The following KIAA1328 variants were observed in gnomAD, a reference collection of about 807,000 sequenced individuals.
KIAA1328 encodes the protein KIAA1328.
A neutral mutation model predicts 68.1 loss-of-function variants in KIAA1328; 52 were observed. The ratio of observed to expected loss-of-function variants is 0.76; its 90% CI spans 0.61 to 0.96. The LOEUF (loss-of-function observed/expected upper bound fraction) is 0.96. KIAA1328 is among the 40% of genes least tolerant of loss of function. The pLI is 0.00. For synonymous variants in KIAA1328, 232 were observed against 239.4 expected (o/e 0.97, Z 0.28); for missense variants, 641 against 677.6 (o/e 0.95, Z 0.60).
At chr18:36,859,928 T>TTTC (rs146359695) in intron 4 of KIAA1328, among the ~76,000 whole-genome samples, 20,521 of 151,612 alleles carry the variant, frequency 0.14, 1,745 homozygotes, top group Admixed American at 0.18. Flanking sequence ...CATTTCCTTT[T>TTTC]TTTTTTAATG....
intron 3 of KIAA1328, among the ~76,000 whole-genome samples, chr18:36,837,344 AATG>A (rs1489432591): frequency 1.3e-5 from 2 of 152,128 alleles, no homozygotes; most frequent in Non-Finnish European, 2.9e-5. Flanking sequence ...TTAATGACTA[AATG>A]ATGATGAGCA....
intron 5 of KIAA1328, among the ~76,000 whole-genome samples, chr18:36,914,560 AAATACAAAC>A (rs2049604239): frequency 2.0e-5 from 3 of 152,012 alleles, no homozygotes; most frequent in Non-Finnish European, 4.4e-5. Flanking sequence ...TCTCTACTAA[AAATACAAAC>A]ATTAGCCAGG....
chr18:37,001,501 A>T (rs1024870636), intron 6 of KIAA1328, among the ~76,000 whole-genome samples: 1 of 152,140 alleles, frequency 6.6e-6, no homozygotes, highest in African/African-American at 2.4e-5. Flanking sequence ...AAAAGAGGGG[A>T]TTTCTCCCTA....
chr18:36,941,366 G>T lies in KIAA1328; in HGVS notation c.449-17942G>T, dbSNP rs559086935. On this transcript the variant is annotated intron_variant, in intron 5 of 9. Coordinates refer to ENST00000280020, the MANE Select transcript of KIAA1328 (RefSeq NM_020776.3). ...TCCCAGCACTTTAGGAGGTTGAGGT[G>T]GACTGCCGACTTGAGATCAGGAGTT... Among the ~76,000 whole-genome samples, 6 of 152,170 alleles carry T rather than the reference G, an allele frequency of 3.9e-5. No individual in the cohort carries two copies. In the East Asian group the frequency reaches 1.2e-3, roughly 30 times the overall value.
chr18:36,915,907 T>A (rs2049678628), intron 5 of KIAA1328, among the ~76,000 whole-genome samples: 1 of 152,168 alleles, frequency 6.6e-6, no homozygotes, highest in Admixed American at 6.6e-5. Context: ...TATGCATAAT[T>A]GCCAACAATG....
At chr18:37,081,508 C>T (rs1237916209) in intron 7 of KIAA1328, among the ~76,000 whole-genome samples, 3 of 152,160 alleles carry the variant, frequency 2.0e-5, no homozygotes, top group East Asian at 3.8e-4. Context: ...CAACCTTCTG[C>T]ACATTAATAT....
intron 5 of KIAA1328, among the ~76,000 whole-genome samples, chr18:36,927,949 A>G (rs2050180580): frequency 1.3e-5 from 2 of 152,298 alleles, no homozygotes; most frequent in South Asian, 4.1e-4. Flanking sequence ...TGCCCTCGTA[A>G]GAACAAGTGG....
At chr18:36,871,833 A>C (rs2150932078) in intron 4 of KIAA1328, among the ~76,000 whole-genome samples, 1 of 152,194 alleles carries the variant, frequency 6.6e-6, no homozygotes, top group African/African-American at 2.4e-5. Context: ...CAGCAGACAC[A>C]GCTGGAAATG....
chr18:36,899,543 G>A (rs1227442183), intron 5 of KIAA1328, among the ~76,000 whole-genome samples: 1 of 151,764 alleles, frequency 6.6e-6, no homozygotes, highest in South Asian at 2.1e-4. Context: ...AAGCATGTGA[G>A]CTAAAACTGC....
chr18:36,855,215 T>C (rs147560052), intron 4 of KIAA1328, among the ~76,000 whole-genome samples: 1 of 152,320 alleles, frequency 6.6e-6, no homozygotes, highest in Non-Finnish European at 1.5e-5. Context: ...ATGTTGAAGT[T>C]TGTGAAGAGC....
intron 7 of KIAA1328, among the ~76,000 whole-genome samples, chr18:37,103,050 G>A (rs191795234): frequency 8.5e-5 from 13 of 152,234 alleles, no homozygotes; most frequent in Admixed American, 7.2e-4. Flanking sequence ...ACAAATAAAT[G>A]GGAAGATGTC....
At chr18:36,891,255 TA>T (rs2048675421) in intron 5 of KIAA1328, among the ~76,000 whole-genome samples, 1 of 152,236 alleles carries the variant, frequency 6.6e-6, no homozygotes, top group South Asian at 2.1e-4. Context: ...TACATATATT[TA>T]AATACCACTC....
intron 6 of KIAA1328, among the ~76,000 whole-genome samples, chr18:37,015,760 C>T (rs1398229132): frequency 6.6e-6 from 1 of 152,030 alleles, no homozygotes; most frequent in African/African-American, 2.4e-5. Flanking sequence ...GTGTATGAGG[C>T]TATTGTAAAT....
chr18:36,947,159 G>A (rs1348942393), intron 5 of KIAA1328, among the ~76,000 whole-genome samples: 2 of 152,050 alleles, frequency 1.3e-5, no homozygotes, highest in Non-Finnish European at 2.9e-5. Flanking sequence ...GCAAGACTCC[G>A]TCTCCTAAAA....
intron 1 of KIAA1328, chr18:36,833,247 G>T: frequency 6.6e-6 from 1 of 152,298 alleles, no homozygotes; most frequent in Non-Finnish European, 1.5e-5. Context: ...GCAATTTCAA[G>T]TACCTATATG....
intron 6 of KIAA1328, among the ~76,000 whole-genome samples, chr18:37,046,935 G>A (rs148423122): frequency 9.5e-4 from 144 of 152,180 alleles, no homozygotes; most frequent in Non-Finnish European, 1.4e-3. Flanking sequence ...GTTCGAGACC[G>A]GCATGGCCAA....
rs172822 is a variant in KIAA1328 at position 37,040,658 on chromosome 18, A to C, written c.577-26232A>C. 2.6e-5 allele frequency among the ~76,000 whole-genome samples: 4 copies of C among 151,170 alleles called. No individual in the cohort carries two copies. In the East Asian group the frequency reaches 7.8e-4, roughly 29 times the overall value. On this transcript the variant is annotated intron_variant, in intron 6 of 9. Transcript: ENST00000280020. ...ATTTAGAAGCTTATGTTATTGACTTAAATCTTTTTTTTTCCTTTTCTGATA... is the reference window on the plus strand; with the variant it reads ...ATTTAGAAGCTTATGTTATTGACTTCAATCTTTTTTTTTCCTTTTCTGATA...
At chr18:37,215,799 G>T (rs1348983081) in intron 9 of KIAA1328, among the ~76,000 whole-genome samples, 4 of 152,132 alleles carry the variant, frequency 2.6e-5, no homozygotes, top group South Asian at 2.1e-4. Flanking sequence ...TGGTTGGTAG[G>T]CTATTAATTA....
At chr18:37,212,020 G>A (rs1599607611) in intron 9 of KIAA1328, among the ~76,000 whole-genome samples, 1 of 152,288 alleles carries the variant, frequency 6.6e-6, no homozygotes, top group East Asian at 1.9e-4. Flanking sequence ...ATAGAAAAGT[G>A]TAGATTTTCC....
Sources: allele counts gnomAD v4.1 joint callset (sites outside exome capture counted in the v4.1 genomes callset), GRCh38; gene constraint gnomAD v4.1.1; transcripts MANE v1.5; gene names NCBI Gene and HGNC (gene_info 2026-07-23, HGNC 2026-07-21).